Variants in FAM171B observed in about 807,000 individuals in gnomAD.
The protein encoded by FAM171B is family with sequence similarity 171 member B.
A neutral mutation model predicts 75.6 loss-of-function variants in FAM171B; 19 were observed. That is an observed-to-expected ratio of 0.25 (90% CI 0.18 to 0.37). FAM171B has a LOEUF of 0.37. Among genes scored for constraint, FAM171B ranks in the 10% least tolerant of loss-of-function variants. The pLI is 1.00. For synonymous variants in FAM171B, 367 were observed against 361.7 expected (o/e 1.01, Z -0.17); for missense variants, 848 against 982.4 (o/e 0.86, Z 1.83).
At chr2:186,711,958 A>G (rs1012371699) in intron 1 of FAM171B, among the ~76,000 whole-genome samples, 2 of 152,004 alleles carry the variant, frequency 1.3e-5, no homozygotes, top group African/African-American at 4.8e-5. Context: ...TTAGTTTCTA[A>G]TTGTTTCTGG....
intron 7 of FAM171B, 92 bp from the exon 8 acceptor site, chr2:186,761,387 C>A (rs1690612852): frequency 7.0e-7 from 1 of 1,435,370 alleles, no homozygotes; most frequent in Non-Finnish European, 9.4e-7. Context: ...AATAGCATTG[C>A]ATGTATGATA....
intron 1 of FAM171B, among the ~76,000 whole-genome samples, chr2:186,724,752 C>T (rs1690006328): frequency 6.6e-6 from 1 of 152,020 alleles, no homozygotes. Context: ...TATGCAAAGA[C>T]CTGGAGGTGA....
intron 1 of FAM171B, among the ~76,000 whole-genome samples, chr2:186,725,728 G>A (rs1471635003): frequency 6.6e-6 from 1 of 152,184 alleles, no homozygotes; most frequent in African/African-American, 2.4e-5. Context: ...TGGGCTGAAG[G>A]CTCTTCTGTC....
At position 186,743,685 on chromosome 2, in the gene FAM171B, C is replaced by T. The variant is rs965047960; in HGVS notation, c.565+110C>T. 25 of 753,416 alleles carry T rather than the reference C, an allele frequency of 3.3e-5. No homozygotes were observed. In the African/African-American group the frequency reaches 4.2e-4, roughly 13 times the overall value. The allele number at this position is 753,416 out of a possible 1,614,324, so 46.7% of individuals were successfully genotyped here. On this transcript the variant is annotated intron_variant, in intron 3 of 7. Transcript: ENST00000304698. ...TAACTTGAGAAAAATCTAAATTGAT[C>T]AGTATGATTAGCACTGACTATAAGT...
chr2:186,750,983 A>G (rs1690443970), intron 4 of FAM171B, 151 bp from the exon 5 acceptor site: 3 of 506,298 alleles, frequency 5.9e-6, no homozygotes, highest in Non-Finnish European at 9.9e-6. Flanking sequence ...AATTACATTT[A>G]AAAAATCCTT....
At chr2:186,721,520 A>G (rs376598668) in intron 1 of FAM171B, among the ~76,000 whole-genome samples, 4 of 152,312 alleles carry the variant, frequency 2.6e-5, no homozygotes, top group South Asian at 4.1e-4. Context: ...GAATGTTCTT[A>G]CTAAGACAAT....
chr2:186,709,579 G>C (rs1039472966), intron 1 of FAM171B, among the ~76,000 whole-genome samples: 2 of 152,130 alleles, frequency 1.3e-5, no homozygotes, highest in African/African-American at 4.8e-5. Context: ...AAAACAGTGG[G>C]AGTGTCACCA....
chr2:186,707,386 C>T (rs1241760058), intron 1 of FAM171B, among the ~76,000 whole-genome samples: 1 of 152,136 alleles, frequency 6.6e-6, no homozygotes, highest in South Asian at 2.1e-4. Flanking sequence ...TCTTTACTGC[C>T]TCTGCTCTGG....
At position 186,740,417 on chromosome 2, in the gene FAM171B, G is replaced by T. The variant is rs772712167; in HGVS notation, c.428G>T (p.Gly143Val). 9.9e-6 allele frequency: 16 copies of T among 1,613,828 alleles called. No homozygotes were observed. In the Admixed American group the frequency reaches 1.7e-4, roughly 17 times the overall value. The change falls in exon 2 of 8, where the codon GGC (glycine) becomes GTC (valine). Residue 143 changes from glycine to valine, a missense_variant. Gly to Val is a moderately radical substitution (Grantham distance 109). This residue lies in a region of FAM171B where 665 missense variants were observed against 729.0 expected (regional missense o/e 0.91). Transcript: ENST00000304698. ...TTAACTATTATTGCTTACAAAGATG[G>T]CTACGTGTTGACCCCTCTGCCTTGG... is the stretch of plus-strand genomic sequence containing the variant. The part of the protein sequence containing the change: ...LSLTIIAYKD[G>V]YVLTPLPWKT...
chr2:186,735,219 G>A (rs111964213), intron 1 of FAM171B, among the ~76,000 whole-genome samples: 1 of 152,204 alleles, frequency 6.6e-6, no homozygotes, highest in Non-Finnish European at 1.5e-5. Flanking sequence ...GGGGGAAGCA[G>A]GGGACAGGGT....
chr2:186,735,016 G>C (rs1690178277), intron 1 of FAM171B, among the ~76,000 whole-genome samples: 1 of 152,236 alleles, frequency 6.6e-6, no homozygotes, highest in African/African-American at 2.4e-5. Context: ...TGAGAGCAGA[G>C]GGATGCTGGG....
Position 186,694,339 on chromosome 2 carries a change from C to G in FAM171B, c.166C>G (p.Gln56Glu), listed in dbSNP as rs759271757. Reference protein sequence around the residue: ...QQQQQQQQQQQKQLEEAEEER... With the variant: ...QQQQQQQQQQEKQLEEAEEER... ...GCAGCAGCAACAACAACAACAACAG[C>G]AAAAGCAGCTGGAGGAGGCTGAGGA... The change falls in exon 1 of 8, where the codon CAA becomes GAA. Residue 56 changes from glutamine to glutamate, a missense_variant. Gln to Glu is a conservative substitution (Grantham distance 29). This residue lies in a region of FAM171B where 665 missense variants were observed against 729.0 expected (regional missense o/e 0.91). Coordinates refer to ENST00000304698, the MANE Select transcript of FAM171B (RefSeq NM_177454.4). 3.6e-5 allele frequency: 58 copies of G among 1,613,078 alleles called. No homozygotes were observed. The highest frequency in any genetic ancestry group is 2.5e-6 in the Non-Finnish European group (3 of 1,179,668).
intron 1 of FAM171B, among the ~76,000 whole-genome samples, chr2:186,709,920 T>C (rs1246142798): frequency 6.6e-6 from 1 of 152,220 alleles, no homozygotes; most frequent in African/African-American, 2.4e-5. Flanking sequence ...TCATGAAAAC[T>C]AATAAATATC....
At chr2:186,729,501 T>A (rs1207174224) in intron 1 of FAM171B, among the ~76,000 whole-genome samples, 1 of 152,170 alleles carries the variant, frequency 6.6e-6, no homozygotes, top group African/African-American at 2.4e-5. Context: ...TCTGGCTGAC[T>A]GTGCTGCTTG....
At chr2:186,709,461 C>G (rs1034122996) in intron 1 of FAM171B, among the ~76,000 whole-genome samples, 1 of 152,088 alleles carries the variant, frequency 6.6e-6, no homozygotes, top group Admixed American at 6.6e-5. Context: ...ATTCAGAATT[C>G]AAACATAAGC....
At chr2:186,729,693 C>T (rs1302148349) in intron 1 of FAM171B, among the ~76,000 whole-genome samples, 14 of 151,992 alleles carry the variant, frequency 9.2e-5, no homozygotes, top group Non-Finnish European at 1.5e-5. Context: ...TTTTTAAATG[C>T]TGCTTTTGCT....
In FAM171B at chr2:186,762,436, C is replaced by A. The variant is rs751708232; in HGVS notation, c.2094C>A (p.Thr698=). 8 of 1,613,432 alleles carry A rather than the reference C, an allele frequency of 5.0e-6. No individual in the cohort carries two copies. In the South Asian group the frequency reaches 7.7e-5, roughly 16 times the overall value. ...TAGACCTGAAAAAGGGCAAGAGAAC[C>A]CAGAGCAATGACACCAGTCTGGACT... ...SFIDLKKGKR[T]QSNDTSLDSG... Residue 698 remains threonine, a synonymous_variant, in exon 8 of 8, where the codon ACC becomes ACA. Transcript: ENST00000304698. The surrounding 1 kb of genome is among the most constrained non-coding windows in gnomAD (Gnocchi z 4.0).
intron 4 of FAM171B, among the ~76,000 whole-genome samples, chr2:186,748,330 A>G (rs1329537969): frequency 6.9e-6 from 1 of 144,696 alleles, no homozygotes; most frequent in Admixed American, 6.9e-5. Flanking sequence ...TTTTTCAGAT[A>G]TTTTGTTCAT....
At chr2:186,713,193 G>A (rs184849584) in intron 1 of FAM171B, among the ~76,000 whole-genome samples, 3 of 152,282 alleles carry the variant, frequency 2.0e-5, no homozygotes, top group East Asian at 3.9e-4. Flanking sequence ...TAAGGGAGGC[G>A]GGACTCAGGG....
Sources: allele counts gnomAD v4.1 joint callset (sites outside exome capture counted in the v4.1 genomes callset), GRCh38; gene constraint gnomAD v4.1.1; regional missense constraint gnomAD v4.1.1; non-coding constraint Gnocchi (gnomAD v3.1); transcripts MANE v1.5; gene names NCBI Gene and HGNC (gene_info 2026-07-23, HGNC 2026-07-21).